Variants in DMD observed in about 807,000 individuals in gnomAD.
DMD encodes dystrophin, also known as mutant dystrophin.
In DMD, 63 loss-of-function variants were observed where a neutral mutation model predicts 330.1. The observed-to-expected ratio is 0.19, with a 90% CI of 0.16 to 0.24. DMD has a LOEUF of 0.24. Among genes scored for constraint, DMD ranks in the 10% least tolerant of loss-of-function variants. The pLI, the probability that DMD is intolerant of heterozygous loss-of-function variation, is 1.00. For missense variants in DMD, 3,344 were observed against 2,684.1 expected (o/e 1.25, Z -5.43); for synonymous variants, 1,223 against 959.8 (o/e 1.27, Z -5.07).
chrX:31,431,492 G>A (rs1405682072), intron 60 of DMD, among the ~76,000 whole-genome samples: 2 of 111,342 alleles, frequency 1.8e-5, no homozygotes, highest in African/African-American at 6.5e-5. Flanking sequence ...CCGCCTCCTG[G>A]GTTCAAGCCA....
At chrX:32,939,053 A>G (rs1298079667) in intron 2 of DMD, among the ~76,000 whole-genome samples, 1 of 110,064 alleles carries the variant, frequency 9.1e-6, no homozygotes, top group Non-Finnish European at 1.9e-5. Context: ...TAATGTCTAC[A>G]ATGAGCATAT....
At chrX:32,040,212 T>G (rs2095988631) in intron 44 of DMD, among the ~76,000 whole-genome samples, 1 of 111,843 alleles carries the variant, frequency 8.9e-6, no homozygotes, top group African/African-American at 3.2e-5. Context: ...GTCGTTGGAG[T>G]GACAAAATCC....
intron 43 of DMD, among the ~76,000 whole-genome samples, chrX:32,229,681 C>CATATATATAT (rs55916475): frequency 1.2e-3 from 28 of 24,334 alleles, no homozygotes; most frequent in Admixed American, 2.0e-3. Context: ...AGAGTTTCAT[C>CATATATATAT]ATATATATAT....
intron 18 of DMD, among the ~76,000 whole-genome samples, chrX:32,512,812 G>A (rs1171487526): frequency 1.8e-5 from 2 of 111,833 alleles, no homozygotes; most frequent in African/African-American, 6.5e-5. Context: ...CTAAGAGTAT[G>A]TTAGAAAAAG....
At chrX:32,686,647 T>C (rs1341441286) in intron 9 of DMD, among the ~76,000 whole-genome samples, 1 of 109,896 alleles carries the variant, frequency 9.1e-6, no homozygotes, top group Non-Finnish European at 1.9e-5. Flanking sequence ...GTCATGTATC[T>C]TAATTATGAT....
At chrX:32,517,855 T>A (rs1218674302) in intron 18 of DMD, 153 bp downstream of exon 18, 1 of 631,974 alleles carries the variant, frequency 1.6e-6, no homozygotes, top group African/African-American at 2.2e-5. Context: ...ACTTTGATTT[T>A]GCTTGCTATC....
chrX:32,256,256 T>C (rs1390675166), intron 43 of DMD, among the ~76,000 whole-genome samples: 1 of 111,455 alleles, frequency 9.0e-6, no homozygotes, highest in Non-Finnish European at 1.9e-5. Context: ...TCTTTGTCTT[T>C]CTTGATCTTT....
At chrX:31,941,873 T>G (rs2095009195) in intron 45 of DMD, among the ~76,000 whole-genome samples, 1 of 112,173 alleles carries the variant, frequency 8.9e-6, no homozygotes, top group Non-Finnish European at 1.9e-5. Flanking sequence ...GTATGCTTTT[T>G]ATGACTGTGT....
At position 31,778,974 on chromosome X, in the gene DMD, T is replaced by C. The variant is rs183714620; in HGVS notation, c.7310-4782A>G. Among the ~76,000 whole-genome samples the C allele has an allele frequency of 2.7e-5, 3 of 111,900 alleles. No homozygotes were observed. In the East Asian group the frequency reaches 8.4e-4, roughly 31 times the overall value. On this transcript the variant is annotated intron_variant, in intron 50 of 78. Transcript: ENST00000357033. ...CGGTTCTTTCTTTTCCACCATGTCATAGTACTAGAAATATATGCAAATCAC... is the reference window on the plus strand; with the variant it reads ...CGGTTCTTTCTTTTCCACCATGTCACAGTACTAGAAATATATGCAAATCAC...
chrX:32,817,201 CCAT>C (rs1054342969), intron 5 of DMD, among the ~76,000 whole-genome samples: 12 of 110,973 alleles, frequency 1.1e-4, no homozygotes, highest in African/African-American at 3.6e-4. Context: ...TGATTTCATA[CCAT>C]CATTTAACGC....
chrX:31,634,552 T>C (rs1278909896), intron 54 of DMD, among the ~76,000 whole-genome samples: 1 of 111,687 alleles, frequency 9.0e-6, no homozygotes, highest in Non-Finnish European at 1.9e-5. Context: ...AGACATTTTA[T>C]TTTTTAAAAA....
chrX:32,667,826 C>T (rs2061405548), intron 9 of DMD, among the ~76,000 whole-genome samples: 1 of 99,271 alleles, frequency 1.0e-5, no homozygotes, highest in Non-Finnish European at 2.0e-5. Context: ...AATCTAATTG[C>T]ATCTTGATGA....
intron 55 of DMD, among the ~76,000 whole-genome samples, chrX:31,522,361 C>CTATATATATA (rs1454794019): frequency 2.6e-4 from 13 of 50,226 alleles, no homozygotes; most frequent in Middle Eastern, 0.012. Flanking sequence ...CTCTCTCTCT[C>CTATATATATA]TCTATATATA....
chrX:31,454,125 C>T (rs1403653771), intron 59 of DMD, among the ~76,000 whole-genome samples: 3 of 111,821 alleles, frequency 2.7e-5, no homozygotes, highest in Admixed American at 9.5e-5. Flanking sequence ...TCAGAAGTTA[C>T]TTCAGACAGA....
chrX:33,093,206 G>C (rs1346474170), intron 1 of DMD, among the ~76,000 whole-genome samples: 6 of 111,865 alleles, frequency 5.4e-5, no homozygotes, highest in Admixed American at 1.9e-4. Flanking sequence ...AGTTACCCTG[G>C]CCTTTCTGTT....
intron 44 of DMD, among the ~76,000 whole-genome samples, chrX:32,058,375 T>C (rs1458065559): frequency 9.1e-6 from 1 of 109,677 alleles, no homozygotes; most frequent in Non-Finnish European, 1.9e-5. Context: ...AGGAACGTAA[T>C]AACAACAACA....
intron 44 of DMD, among the ~76,000 whole-genome samples, chrX:31,986,146 G>A (rs1050144799): frequency 1.8e-5 from 2 of 111,504 alleles, no homozygotes; most frequent in African/African-American, 6.5e-5. Context: ...TGTGGAAGCA[G>A]TCCCAATGCC....
chrX:32,965,426 G>C (rs954181657), intron 2 of DMD, among the ~76,000 whole-genome samples: 1 of 106,342 alleles, frequency 9.4e-6, no homozygotes, highest in South Asian at 4.4e-4. Flanking sequence ...CCTGGGAGGC[G>C]GAGGTTGCAG....
At chrX:32,892,185 C>T (rs555151934) in intron 2 of DMD, among the ~76,000 whole-genome samples, 5 of 111,857 alleles carry the variant, frequency 4.5e-5, no homozygotes, top group Admixed American at 9.5e-5. Flanking sequence ...TCCCTCAACC[C>T]CTTACAACTG....
Sources: gnomAD v4.1 joint callset for allele counts (sites outside exome capture counted in the v4.1 genomes callset) on GRCh38, gnomAD v4.1.1 for gene constraint, MANE v1.5 for transcripts, NCBI Gene and HGNC (gene_info 2026-07-23, HGNC 2026-07-21) for gene names.